The following ZNF804A variants were observed in gnomAD, a reference collection of about 807,000 sequenced individuals.
The protein encoded by ZNF804A is zinc finger protein 804A.
In ZNF804A, 2 loss-of-function variants were observed where a neutral mutation model predicts 16.5. That is an observed-to-expected ratio of 0.12 (90% confidence interval 0.05 to 0.38). ZNF804A has a LOEUF of 0.38. Among genes scored for constraint, ZNF804A ranks in the 10% least tolerant of loss-of-function variants. The pLI is 0.99. For missense variants in ZNF804A, 1,473 were observed against 1,390.7 expected, an observed-to-expected ratio of 1.06 and a Z score of -0.94; for synonymous variants, 534 against 489.6, an observed-to-expected ratio of 1.09 and a Z score of -1.20.
At chr2:184,693,988 G>T (rs1692777392) in intron 1 of ZNF804A, among the ~76,000 whole-genome samples, 1 of 147,544 alleles carries the variant, frequency 6.8e-6, no homozygotes, top group South Asian at 2.1e-4. Flanking sequence ...GGAGTGCAGT[G>T]GCATGATCTG....
intron 1 of ZNF804A, among the ~76,000 whole-genome samples, chr2:184,782,470 GA>G (rs1694384832): frequency 6.6e-6 from 1 of 151,240 alleles, no homozygotes; most frequent in Non-Finnish European, 1.5e-5. Flanking sequence ...ACAAAAACAT[GA>G]AAAGACTAGA....
intron 1 of ZNF804A, among the ~76,000 whole-genome samples, chr2:184,797,633 T>G (rs752396272): frequency 9.9e-5 from 15 of 152,174 alleles, no homozygotes; most frequent in African/African-American, 1.9e-4. Flanking sequence ...ACATTAGTAT[T>G]GAAATGTGAG....
intron 1 of ZNF804A, among the ~76,000 whole-genome samples, chr2:184,622,644 T>A (rs115516647): frequency 0.02 from 3,071 of 152,018 alleles, 121 homozygotes; most frequent in African/African-American, 0.069. Flanking sequence ...ATCTTATTAG[T>A]TTTTAAGTTG....
intron 1 of ZNF804A, among the ~76,000 whole-genome samples, chr2:184,717,500 A>T (rs1285406894): frequency 2.0e-5 from 3 of 152,170 alleles, no homozygotes; most frequent in Non-Finnish European, 4.4e-5. Context: ...CAAAACTAGA[A>T]TTCTTTGTGT....
intron 1 of ZNF804A, among the ~76,000 whole-genome samples, chr2:184,665,764 G>A (rs899847): frequency 0.55 from 84,114 of 152,054 alleles, 24,134 homozygotes; most frequent in African/African-American, 0.65. Flanking sequence ...CCTGGGGGCT[G>A]CTATCTGCTT....
intron 1 of ZNF804A, among the ~76,000 whole-genome samples, chr2:184,607,925 T>C (rs966375815): frequency 1.3e-5 from 2 of 148,160 alleles, no homozygotes; most frequent in East Asian, 2.0e-4. Flanking sequence ...ATGGAGAACC[T>C]TGATGCATCT....
intron 1 of ZNF804A, among the ~76,000 whole-genome samples, chr2:184,719,747 A>G (rs1264009954): frequency 6.6e-6 from 1 of 152,096 alleles, no homozygotes; most frequent in Non-Finnish European, 1.5e-5. Context: ...CCTGGATTTC[A>G]TGGTTCATAT....
intron 1 of ZNF804A, among the ~76,000 whole-genome samples, chr2:184,647,924 G>T (rs1691910524): frequency 6.6e-6 from 1 of 152,018 alleles, no homozygotes; most frequent in African/African-American, 2.4e-5. Context: ...CTCACCAAAG[G>T]ACGTAGTCAT....
chr2:184,860,283 A>G (rs2105808294), intron 1 of ZNF804A, among the ~76,000 whole-genome samples: 1 of 152,302 alleles, frequency 6.6e-6, no homozygotes, highest in South Asian at 2.1e-4. Flanking sequence ...CTGGGTCCTC[A>G]GTCAATAGCC....
chr2:184,802,342 G>A (rs1217794767), intron 1 of ZNF804A, among the ~76,000 whole-genome samples: 1 of 152,162 alleles, frequency 6.6e-6, no homozygotes, highest in African/African-American at 2.4e-5. Flanking sequence ...CCTTTGTTAT[G>A]TAGATTACCC....
chr2:184,806,460 G>A lies in ZNF804A; in HGVS notation c.112-59909G>A, dbSNP rs145333918. 2.5e-3 allele frequency among the ~76,000 whole-genome samples: 376 copies of A among 151,448 alleles called. 5 individuals carry two copies. Among genetic ancestry groups the A allele is most frequent in the East Asian group, 0.021 (108 of 5,166 alleles). On this transcript the variant is annotated intron_variant, in intron 1 of 3. Coordinates refer to ENST00000302277, the MANE Select transcript of ZNF804A (RefSeq NM_194250.2). ...TGATTTCTTAATTATATTTCTCTTC[G>A]GAATACAATTATTTATGGTTTGATA... is the stretch of plus-strand genomic sequence containing the variant.
intron 1 of ZNF804A, among the ~76,000 whole-genome samples, chr2:184,671,615 A>G (rs1184594104): frequency 6.6e-6 from 1 of 152,208 alleles, no homozygotes; most frequent in Non-Finnish European, 1.5e-5. Flanking sequence ...CTCAATATTC[A>G]GGAACACTTT....
At chr2:184,661,917 T>G (rs1026006428) in intron 1 of ZNF804A, among the ~76,000 whole-genome samples, 1 of 152,254 alleles carries the variant, frequency 6.6e-6, no homozygotes, top group East Asian at 1.9e-4. Flanking sequence ...TTGGAATTAA[T>G]TTTAACATTT....
intron 1 of ZNF804A, among the ~76,000 whole-genome samples, chr2:184,706,115 C>G (rs1269711477): frequency 3.3e-5 from 5 of 152,176 alleles, no homozygotes; most frequent in Non-Finnish European, 7.3e-5. Flanking sequence ...TTCTTTATCA[C>G]TATTTTTTCA....
At position 184,818,450 on chromosome 2, in the gene ZNF804A, A is replaced by T. The variant is rs1695018137; in HGVS notation, c.112-47919A>T. Among the ~76,000 whole-genome samples, 9 of 151,282 alleles carry T rather than the reference A, an allele frequency of 5.9e-5. No homozygotes were observed. In the South Asian group the frequency reaches 1.9e-3, roughly 31 times the overall value. On this transcript the variant is annotated intron_variant, in intron 1 of 3. Coordinates refer to ENST00000302277, the MANE Select transcript of ZNF804A (RefSeq NM_194250.2). ...GAAAAACCATTACCAGCCACTAAAA[A>T]AAATACTGTAATCCACAAACCAATG...
chr2:184,785,142 G>C (rs1694428015), intron 1 of ZNF804A, among the ~76,000 whole-genome samples: 1 of 151,954 alleles, frequency 6.6e-6, no homozygotes, highest in Admixed American at 6.6e-5. Flanking sequence ...TCCCAGTGAA[G>C]AAAAACTCCC....
intron 1 of ZNF804A, among the ~76,000 whole-genome samples, chr2:184,786,244 G>A (rs888153267): frequency 4.6e-5 from 7 of 151,930 alleles, no homozygotes; most frequent in African/African-American, 1.2e-4. Context: ...CTTGCTTTTC[G>A]TTGGAATTCT....
At chr2:184,633,616 T>C (rs545288198) in intron 1 of ZNF804A, among the ~76,000 whole-genome samples, 2 of 152,262 alleles carry the variant, frequency 1.3e-5, no homozygotes, top group South Asian at 2.1e-4. Context: ...GGATAAAAAG[T>C]TCCACTTAAC....
chr2:184,756,863 T>C (rs995962944), intron 1 of ZNF804A, among the ~76,000 whole-genome samples: 1 of 152,080 alleles, frequency 6.6e-6, no homozygotes, highest in African/African-American at 2.4e-5. Flanking sequence ...CCTGCTTTTA[T>C]AACTGATATG....
Sources: gnomAD v4.1 joint callset for allele counts (sites outside exome capture counted in the v4.1 genomes callset) on GRCh38, gnomAD v4.1.1 for gene constraint, MANE v1.5 for transcripts, NCBI Gene and HGNC (gene_info 2026-07-23, HGNC 2026-07-21) for gene names.